Variants in TIMM44 observed in about 807,000 individuals in gnomAD.
TIMM44 encodes mitochondrial import inner membrane translocase subunit TIM44.
Under a neutral mutation model 63.8 loss-of-function variants are expected in TIMM44, and 37 were observed. That is an observed-to-expected ratio of 0.58 (90% confidence interval 0.45 to 0.76). TIMM44 has a LOEUF of 0.76. Ranked by LOEUF, TIMM44 falls within the 30% of genes least tolerant of loss-of-function variation. The pLI, the probability that TIMM44 is intolerant of heterozygous loss-of-function variation, is 0.00. For missense variants in TIMM44, 573 were observed against 603.8 expected (o/e 0.95, Z 0.54); for synonymous variants, 239 against 245.1 (o/e 0.98, Z 0.23).
In TIMM44 at chr19:7,943,476, G is replaced by T. The variant is rs1984365523; in HGVS notation, c.45+131C>A. 3.5e-6 allele frequency: 4 copies of T among 1,137,366 alleles called. No homozygotes were observed. In the Admixed American group the frequency reaches 8.2e-5, roughly 23 times the overall value. The allele number at this position is 1,137,366 out of a possible 1,614,324, so 70.5% of individuals were successfully genotyped here. A position where few individuals can be genotyped will look rare whatever the true frequency, so the allele number is the denominator to read the frequency against. ...CCTGTCCTGGCCTCTGCTACCCAAA[G>T]ATCTAACCCCAAGCTTTCTAAGGAG... On this transcript the variant is annotated intron_variant, in intron 1 of 12. Coordinates refer to ENST00000270538, the MANE Select transcript of TIMM44 (RefSeq NM_006351.4). This position sits in a 1 kb window ranked among gnomAD's most constrained non-coding sequence, Gnocchi z 4.3.
chr19:7,942,738 G>A (rs1984345457), intron 1 of TIMM44, among the ~76,000 whole-genome samples: 1 of 149,482 alleles, frequency 6.7e-6, no homozygotes, highest in South Asian at 2.1e-4. Flanking sequence ...TCGGCTCACT[G>A]CAATCTCCGC....
intron 1 of TIMM44, among the ~76,000 whole-genome samples, chr19:7,942,072 G>C (rs951752858): frequency 6.6e-6 from 1 of 152,230 alleles, no homozygotes; most frequent in African/African-American, 2.4e-5. Flanking sequence ...TTGCTGGCTG[G>C]GCGCGGTGGC....
Position 7,942,361 on chromosome 19 carries a change from G to A in TIMM44, c.46-1164C>T, listed in dbSNP as rs773387647. ...TCCCGATACTTTGGGAGGCTGAGGC[G>A]GAAGGATCGTTTGAGCTCAGGAGTT... is the stretch of plus-strand genomic sequence containing the variant. On this transcript the variant is annotated intron_variant, in intron 1 of 12. Coordinates refer to ENST00000270538, the MANE Select transcript of TIMM44 (RefSeq NM_006351.4). 8.6e-5 allele frequency among the ~76,000 whole-genome samples: 13 copies of A among 152,032 alleles called. No homozygotes were observed. In the South Asian group the frequency reaches 1.7e-3, roughly 19 times the overall value.
In TIMM44 at chr19:7,927,619, G is replaced by A. The variant is rs200145492; in HGVS notation, c.1239+38C>T. ...CCACACACAGATCTTGGGGACAGGC[G>A]GTGTCATGTGCCTGCCCCATCCCAC... On this transcript the variant is annotated intron_variant, in intron 12 of 12. Coordinates refer to ENST00000270538, the MANE Select transcript of TIMM44 (RefSeq NM_006351.4). 8.1e-4 allele frequency: 1,270 copies of A among 1,565,990 alleles called. 1 individual carries two copies. The highest frequency in any genetic ancestry group is 1.0e-3 in the Non-Finnish European group (1,189 of 1,138,826).
intron 2 of TIMM44, among the ~76,000 whole-genome samples, chr19:7,938,848 T>C (rs1415676972): frequency 1.3e-5 from 2 of 151,846 alleles, no homozygotes; most frequent in African/African-American, 4.8e-5. Context: ...AAGCAAGAAA[T>C]ATGCTCTCAA....
chr19:7,928,051 C>T (rs1983866176), intron 11 of TIMM44, 26 bp downstream of exon 11: 1 of 1,605,612 alleles, frequency 6.2e-7, no homozygotes, highest in South Asian at 1.1e-5. Context: ...CGATGGTGGC[C>T]CGGGCCCCCA....
At chr19:7,942,988 C>A (rs147824692) in intron 1 of TIMM44, among the ~76,000 whole-genome samples, 2 of 143,948 alleles carry the variant, frequency 1.4e-5, no homozygotes, top group Non-Finnish European at 3.0e-5. Flanking sequence ...TGCAGTGAGC[C>A]GAGATCGCGC....
intron 10 of TIMM44, among the ~76,000 whole-genome samples, chr19:7,929,136 G>A (rs530268668): frequency 3.9e-5 from 6 of 152,188 alleles, no homozygotes; most frequent in East Asian, 1.9e-4. Context: ...CACACAGGTC[G>A]GGGAGCGAAT....
chr19:7,942,959 G>A (rs1229789846), intron 1 of TIMM44, among the ~76,000 whole-genome samples: 1 of 149,342 alleles, frequency 6.7e-6, no homozygotes, highest in Admixed American at 6.6e-5. Flanking sequence ...TGAACCCGGA[G>A]GCAGAAGGAG....
chr19:7,937,760 G>A (rs1599650864), intron 3 of TIMM44: 2 of 430,388 alleles, frequency 4.6e-6, no homozygotes, highest in Non-Finnish European at 4.3e-6. Flanking sequence ...GCTCACGCCT[G>A]TAATCCCAGC....
chr19:7,933,961 C>T lies in TIMM44; in HGVS notation c.586G>A (p.Gly196Arg). 1 of 1,614,166 alleles carries T rather than the reference C, an allele frequency of 6.2e-7. No individual in the cohort carries two copies. Among genetic ancestry groups the T allele is most frequent in the Non-Finnish European group, 8.5e-7 (1 of 1,180,042 alleles). Residue 196 changes from glycine to arginine, a missense_variant, in exon 6 of 13, where the codon GGA becomes AGA. Transcript: ENST00000270538. This position sits in a 1 kb window ranked among gnomAD's most constrained non-coding sequence, Gnocchi z 4.3. ...VKKEIDDSVL[G>R]QTGPYRRPQR... ...GGCCTCCGGTAGGGCCCGGTCTGTCCCAGGACGCTGTCGTCAATTTCCTTC... is the reference window on the plus strand; with the variant it reads ...GGCCTCCGGTAGGGCCCGGTCTGTCTCAGGACGCTGTCGTCAATTTCCTTC...
At chr19:7,935,167 CTTTT>C (rs753419157) in intron 3 of TIMM44, 22 bp from the exon 4 acceptor site, 2,122 of 1,246,488 alleles carry the variant, frequency 1.7e-3, no homozygotes, top group East Asian at 2.0e-3. Context: ...GCGCTGTGTC[CTTTT>C]TTTTTTTTTT....
At chr19:7,928,279 T>G in intron 10 of TIMM44, 113 bp from the exon 11 acceptor site, 1 of 891,840 alleles carries the variant, frequency 1.1e-6, no homozygotes, top group Non-Finnish European at 1.8e-6. Context: ...CAGCCAGCAA[T>G]GGCAGAGGCC....
intron 9 of TIMM44, 154 bp from the exon 10 acceptor site, chr19:7,931,342 G>A (rs1338825218): frequency 1.3e-6 from 1 of 741,172 alleles, no homozygotes; most frequent in Non-Finnish European, 2.5e-6. Flanking sequence ...TGTGGCACTG[G>A]GTGTCCCCCC....
chr19:7,929,822 A>T (rs1318507425), intron 10 of TIMM44, among the ~76,000 whole-genome samples: 1 of 149,870 alleles, frequency 6.7e-6, no homozygotes, highest in Non-Finnish European at 1.5e-5. Context: ...GGCTGCAACC[A>T]CCTCTCCTGG....
chr19:7,935,200 C>G, intron 3 of TIMM44, 55 bp from the exon 4 acceptor site: 1 of 1,447,690 alleles, frequency 6.9e-7, no homozygotes, highest in Non-Finnish European at 9.4e-7. Context: ...GACAATGTCT[C>G]CGTTGCCGAG....
chr19:7,938,193 T>G lies in TIMM44; in HGVS notation c.146A>C (p.Lys49Thr). 6.2e-7 allele frequency: 1 copy of G among 1,612,972 alleles called. No homozygotes were observed. The highest frequency in any genetic ancestry group is 8.5e-7 in the Non-Finnish European group (1 of 1,179,672). The change falls in exon 3 of 13, where the codon AAA becomes ACA. Residue 49 changes from lysine (K) to threonine (T), a missense_variant. Lys to Thr is a moderately conservative substitution (Grantham distance 78). Transcript: ENST00000270538. The stretch of plus-strand genomic sequence containing the variant: ...TTTTCTGTTTCCAGAAGAATATGAT[T>G]TGGACTAGAAAGAATGTACAAGAAA... ...RRPGGELPLS[K>T]SYSSGNRKGF...
intron 1 of TIMM44, among the ~76,000 whole-genome samples, chr19:7,942,263 G>A (rs2145183050): frequency 6.6e-6 from 1 of 152,272 alleles, no homozygotes; most frequent in African/African-American, 2.4e-5. Flanking sequence ...AACCCGGGAG[G>A]TGGAGGGTGC....
chr19:7,938,455 G>A (rs1355619458), intron 2 of TIMM44, among the ~76,000 whole-genome samples: 1 of 152,180 alleles, frequency 6.6e-6, no homozygotes, highest in Non-Finnish European at 1.5e-5. Context: ...GGAGGCTGAG[G>A]AGGGAGGATT....
Sources: gnomAD v4.1 joint callset for allele counts (sites outside exome capture counted in the v4.1 genomes callset) on GRCh38, gnomAD v4.1.1 for gene constraint, Gnocchi (gnomAD v3.1) non-coding constraint, MANE v1.5 for transcripts, NCBI Gene and HGNC (gene_info 2026-07-23, HGNC 2026-07-21) for gene names.